The following MTMR10 variants were observed in gnomAD, a reference collection of about 807,000 sequenced individuals.
MTMR10 encodes myotubularin related protein 10.
Under a neutral mutation model 88.1 loss-of-function variants are expected in MTMR10, and 56 were observed. The observed-to-expected ratio is 0.64, with a 90% CI of 0.51 to 0.79. MTMR10 has a LOEUF of 0.79. Ranked by LOEUF, MTMR10 falls within the 30% of genes least tolerant of loss-of-function variation. The pLI, the probability that MTMR10 is intolerant of heterozygous loss-of-function variation, is 0.00. For missense variants in MTMR10, 883 were observed against 924.7 expected (o/e 0.95, Z 0.58); for synonymous variants, 380 against 340.9 (o/e 1.11, Z -1.26).
chr15:30,948,278 A>G, intron 13 of MTMR10, 24 bp downstream of exon 13: 1 of 1,595,590 alleles, frequency 6.3e-7, no homozygotes, highest in Non-Finnish European at 8.5e-7. Context: ...AAAGACTGAT[A>G]AAAAGGCATC....
At chr15:30,930,891 C>G in the MTMR10 span, among the ~76,000 whole-genome samples, 4 of 152,272 alleles carry the variant, frequency 2.6e-5, no homozygotes, top group South Asian at 8.3e-4. Flanking sequence ...AGAGCTCCAT[C>G]TCTTATGACT....
chr15:30,990,805 A>C lies in MTMR10; in HGVS notation c.93T>G (p.Ile31Met). The change falls in exon 2 of 16, where the codon ATT becomes ATG. Residue 31 changes from isoleucine (I) to methionine (M), a missense_variant. Ile to Met is a conservative substitution (Grantham distance 10, BLOSUM62 1). Around this residue, in one of 3 missense-constraint regions of MTMR10, gnomAD observed 414 missense variants for 423.2 expected, o/e 0.98. Coordinates refer to ENST00000435680, the MANE Select transcript of MTMR10 (RefSeq NM_017762.3). ...GCAAAAGGACTGGCTCCAGTTTTTT[A>C]ATCTTCGGTTCCGAATTGATCTTAT... is the stretch of plus-strand genomic sequence containing the variant. ...TDDKINSEPKIKKLEPVLLPG... is the reference protein window; with the variant it reads ...TDDKINSEPKMKKLEPVLLPG... 6.2e-7 allele frequency: 1 copy of C among 1,609,592 alleles called. No individual in the cohort carries two copies. The highest frequency in any genetic ancestry group is 8.5e-7 in the Non-Finnish European group (1 of 1,177,850).
intron 3 of MTMR10, among the ~76,000 whole-genome samples, chr15:30,975,341 C>T (rs772906530): frequency 2.0e-5 from 3 of 152,132 alleles, no homozygotes; most frequent in Non-Finnish European, 2.9e-5. Context: ...GTTTGATTTT[C>T]ACACTGAAGA....
Position 30,953,450 on chromosome 15 carries a change from A to G in MTMR10, c.1136+112T>C, listed in dbSNP as rs1466795320. The G allele has an allele frequency of 8.1e-6, 6 of 744,294 alleles. No individual in the cohort carries two copies. In the East Asian group the frequency reaches 1.6e-4, roughly 20 times the overall value. 46.1% of individuals were successfully genotyped at this position (744,294 alleles called of 1,614,324 possible). The stretch of plus-strand genomic sequence containing the variant: ...GTTACGAGATGTTACTATTGGGGGA[A>G]GTTGGATGAAGAGTAAGTACATGGC... On this transcript the variant is annotated intron_variant, in intron 11 of 15. Transcript: ENST00000435680.
the MTMR10 span, among the ~76,000 whole-genome samples, chr15:30,929,820 T>A: frequency 2.6e-5 from 1 of 39,200 alleles, no homozygotes; most frequent in African/African-American, 1.9e-4. Context: ...TATAATATAT[T>A]ATATCATATA....
intron 6 of MTMR10, among the ~76,000 whole-genome samples, chr15:30,967,695 C>T (rs1480836295): frequency 2.0e-5 from 3 of 152,110 alleles, no homozygotes; most frequent in African/African-American, 4.8e-5. Context: ...TCTGACATAA[C>T]TTATAAGCCC....
downstream of MTMR10, among the ~76,000 whole-genome samples, chr15:30,938,101 G>A (rs957048150): frequency 6.6e-6 from 1 of 151,808 alleles, no homozygotes; most frequent in African/African-American, 2.4e-5. Context: ...GGAGGATGGC[G>A]TGAACCCGGG....
At chr15:30,960,816 G>T in intron 7 of MTMR10, 65 bp downstream of exon 7, 4 of 1,425,400 alleles carry the variant, frequency 2.8e-6, no homozygotes, top group Non-Finnish European at 3.7e-6. Flanking sequence ...TGACAACAGA[G>T]TTTGATGATT....
chr15:30,928,090 T>C, the MTMR10 span: 62 of 1,000,800 alleles, frequency 6.2e-5, no homozygotes, highest in African/African-American at 1.1e-3. Flanking sequence ...CGGAGGTGGC[T>C]GCTGCCGGCC....
intron 1 of MTMR10, 22 bp from the exon 2 acceptor site, chr15:30,990,859 A>C (rs2031269836): frequency 8.9e-6 from 14 of 1,575,830 alleles, no homozygotes; most frequent in Non-Finnish European, 1.0e-5. Flanking sequence ...TAGCAAAATA[A>C]ATCAAAATCT....
Position 30,947,188 on chromosome 15 carries a change from A to G in MTMR10, c.1490T>C (p.Ile497Thr). ...YLAVLYDSTR[I>T]SLFGTFLFNS... Reference sequence around the variant, plus strand: ...GAACAGGAAGGTGCCAAACAGTGAGATCCGGGTGCTGTCATACAACACTGC... The same window carrying G: ...GAACAGGAAGGTGCCAAACAGTGAGGTCCGGGTGCTGTCATACAACACTGC... Residue 497 changes from isoleucine (I) to threonine (T), a missense_variant, in exon 14 of 16, where the codon ATC (isoleucine) becomes ACC (threonine). Ile to Thr is a moderately conservative substitution (Grantham distance 89). This residue lies in a region of MTMR10 where 126 missense variants were observed against 178.2 expected (regional missense o/e 0.71). Transcript: ENST00000435680. 1 of 1,614,008 alleles carries G rather than the reference A, an allele frequency of 6.2e-7. No individual in the cohort carries two copies. Among genetic ancestry groups the G allele is most frequent in the Non-Finnish European group, 8.5e-7 (1 of 1,179,898 alleles).
downstream of MTMR10, among the ~76,000 whole-genome samples, chr15:30,934,773 A>G (rs956976868): frequency 6.6e-6 from 1 of 152,230 alleles, no homozygotes; most frequent in South Asian, 2.1e-4. Flanking sequence ...TATATTATAT[A>G]TCTTAAACTT....
intron 14 of MTMR10, among the ~76,000 whole-genome samples, chr15:30,944,515 G>A (rs2063138834): frequency 6.7e-6 from 1 of 149,454 alleles, no homozygotes. Context: ...GCAGTGAGCC[G>A]AGATCATGCC....
intron 10 of MTMR10, 74 bp from the exon 11 acceptor site, chr15:30,953,705 C>G: frequency 1.0e-6 from 1 of 963,476 alleles, no homozygotes; most frequent in Non-Finnish European, 1.5e-6. Context: ...AGAGATACAT[C>G]AGTTTCTAAT....
rs2063033476 is a variant in MTMR10, at chr15:30,941,144, C to T, written c.*326G>A. The T allele has an allele frequency of 1.6e-6, 2 of 1,286,912 alleles. No homozygotes were observed. Among genetic ancestry groups the T allele is most frequent in the Non-Finnish European group, 2.0e-6 (2 of 991,872 alleles). The allele number at this position is 1,286,912 out of a possible 1,614,324, so 79.7% of individuals were successfully genotyped here. ...TCCTGTTGTCTGCTGCCTGGGGCTG[C>T]TAATGTGACTGACTATCAGATAGCC... On this transcript the variant is annotated 3_prime_UTR_variant, in exon 16 of 16. Transcript: ENST00000435680.
downstream of MTMR10, among the ~76,000 whole-genome samples, chr15:30,936,807 A>T (rs1291723148): frequency 6.6e-6 from 1 of 152,212 alleles, no homozygotes; most frequent in Non-Finnish European, 1.5e-5. Context: ...GGTTATCCTC[A>T]TGATCATGTG....
the MTMR10 span, chr15:30,925,207 G>A: frequency 1.2e-6 from 2 of 1,614,070 alleles, no homozygotes; most frequent in East Asian, 2.2e-5. Flanking sequence ...AGCGAGCCGT[G>A]CGCCTGCGAG....
chr15:30,983,185 C>T (rs995455250), intron 2 of MTMR10, among the ~76,000 whole-genome samples: 2 of 152,170 alleles, frequency 1.3e-5, no homozygotes, highest in Admixed American at 6.5e-5. Flanking sequence ...CCATCAGCCA[C>T]GGTGGGACCA....
rs1350072763 is a variant in MTMR10, at chr15:30,958,925, G to A, written c.873C>T (p.Gly291=). Residue 291 remains glycine (G), a synonymous_variant, in exon 9 of 16, where the codon GGC becomes GGT. Transcript: ENST00000435680. ...TGAGGGCCATTCGCACAAGAGCACT[G>A]CCGTTAGAGTGGCTCCAGCACCAGA... ...MPLWCWSHSN[G]SALVRMALIK... 1.2e-6 allele frequency: 2 copies of A among 1,613,990 alleles called. No individual in the cohort carries two copies.
Sources: allele counts gnomAD v4.1 joint callset (sites outside exome capture counted in the v4.1 genomes callset), GRCh38; gene constraint gnomAD v4.1.1; regional missense constraint gnomAD v4.1.1; transcripts MANE v1.5; gene names NCBI Gene and HGNC (gene_info 2026-07-23, HGNC 2026-07-21).